KIF21B: variants seen among roughly 807,000 people sequenced by gnomAD.
KIF21B encodes the protein kinesin-like protein KIF21B.
KIF21B carries 85 observed loss-of-function variants against 192.9 expected under a neutral mutation model. That is an observed-to-expected ratio of 0.44 (90% CI 0.37 to 0.53). The LOEUF (loss-of-function observed/expected upper bound fraction) is 0.53. Ranked by LOEUF, KIF21B falls within the 20% of genes least tolerant of loss-of-function variation. The pLI, the probability that KIF21B is intolerant of heterozygous loss-of-function variation, is 0.00. For synonymous variants in KIF21B, 832 were observed against 884.6 expected, an observed-to-expected ratio of 0.94 and a Z score of 1.05; for missense variants, 1,716 against 2,194.8, an observed-to-expected ratio of 0.78 and a Z score of 4.36.
rs1656039103 is a variant in KIF21B, at chr1:200,982,941, G to A, written c.3842+115C>T. 2.1e-5 allele frequency: 19 copies of A among 890,232 alleles called. 1 individual carries two copies. In the South Asian group the frequency reaches 2.3e-4, roughly 11 times the overall value. 55.1% of individuals were successfully genotyped at this position (890,232 alleles called of 1,614,324 possible). On this transcript the variant is annotated intron_variant, in intron 28 of 34. Coordinates refer to ENST00000461742, the MANE Select transcript of KIF21B (RefSeq NM_001252102.2). The surrounding 1 kb of genome is among the most constrained non-coding windows in gnomAD (Gnocchi z 4.7). ...GGGGGCAGCAGGAAGGGGAGTGGAG[G>A]GGCCGCATGCTGAGGACACGGGTGT...
At position 200,993,771 on chromosome 1, in the gene KIF21B, A is replaced by C. The variant is rs531986672; in HGVS notation, c.2278-1382T>G. Among the ~76,000 whole-genome samples the C allele has an allele frequency of 1.0e-3, 152 of 150,438 alleles. 1 individual carries two copies. The highest frequency in any genetic ancestry group is 3.5e-3 in the African/African-American group (144 of 40,574). On this transcript the variant is annotated intron_variant, in intron 15 of 34. Coordinates refer to ENST00000461742, the MANE Select transcript of KIF21B (RefSeq NM_001252102.2). ...CCTTTAAAACAAAACAAAACAAAAA[A>C]AAAAAAAAAGAGAGAGAAAGAAAAA... is the stretch of plus-strand genomic sequence containing the variant.
chr1:200,995,187 C>T (rs1047640910), intron 15 of KIF21B, among the ~76,000 whole-genome samples: 2 of 152,216 alleles, frequency 1.3e-5, no homozygotes, highest in African/African-American at 4.8e-5. Context: ...CACATTGAGT[C>T]GGCTGTGAGC....
chr1:201,012,450 G>A (rs73072915), intron 1 of KIF21B, among the ~76,000 whole-genome samples: 1,530 of 152,296 alleles, frequency 0.01, 26 homozygotes, highest in African/African-American at 0.035. Context: ...ACCTCCACAG[G>A]TTACCTTGCT....
chr1:200,992,508 T>G, intron 15 of KIF21B, 119 bp from the exon 16 acceptor site: 1 of 1,008,024 alleles, frequency 9.9e-7, no homozygotes, highest in Non-Finnish European at 1.5e-6. Flanking sequence ...CAGGCAACAC[T>G]GGCTCAGGGC....
intron 24 of KIF21B, among the ~76,000 whole-genome samples, chr1:200,987,941 T>C (rs543109085): frequency 1.3e-5 from 2 of 152,276 alleles, no homozygotes; most frequent in South Asian, 4.1e-4. Context: ...TAACCAGACA[T>C]TTAGAGGTAG....
At chr1:201,009,092 TG>T in intron 2 of KIF21B, 141 bp from the exon 3 acceptor site, 1 of 1,199,694 alleles carries the variant, frequency 8.3e-7, no homozygotes, top group Non-Finnish European at 1.2e-6. Context: ...AGCCACACTC[TG>T]GGGAAATCAC....
chr1:200,997,288 TC>T (rs1334139811), intron 14 of KIF21B, among the ~76,000 whole-genome samples: 13 of 152,186 alleles, frequency 8.5e-5, no homozygotes, highest in Non-Finnish European at 1.5e-5. Flanking sequence ...ACCATCCTGG[TC>T]CCCTTATCGT....
At position 200,990,447 on chromosome 1, in the gene KIF21B, G is replaced by A. The variant is rs1434485797; in HGVS notation, c.2836-115C>T. On this transcript the variant is annotated intron_variant, in intron 19 of 34. Coordinates refer to ENST00000461742, the MANE Select transcript of KIF21B (RefSeq NM_001252102.2). The surrounding 1 kb of genome is among the most constrained non-coding windows in gnomAD (Gnocchi z 5.4). ...CCTGTGAGGTCCCCCCAGCACCTCTGGATTCCAGAGCAGGCAAAAGGAGCA... is the reference window on the plus strand; with the variant it reads ...CCTGTGAGGTCCCCCCAGCACCTCTAGATTCCAGAGCAGGCAAAAGGAGCA... The A allele has an allele frequency of 2.0e-6, 3 of 1,478,500 alleles. No individual in the cohort carries two copies. Among genetic ancestry groups the A allele is most frequent in the Non-Finnish European group, 2.8e-6 (3 of 1,087,428 alleles). 91.6% of individuals were successfully genotyped at this position (1,478,500 alleles called of 1,614,324 possible).
chr1:200,992,899 A>C (rs1006843174), intron 15 of KIF21B, among the ~76,000 whole-genome samples: 9 of 152,340 alleles, frequency 5.9e-5, no homozygotes, highest in African/African-American at 2.2e-4. Flanking sequence ...TCCTCATGAC[A>C]ATCATGAGAG....
Position 200,991,829 on chromosome 1 carries a change from G to A in KIF21B, c.2386-104C>T, listed in dbSNP as rs1656721411. On this transcript the variant is annotated intron_variant, in intron 16 of 34. Transcript: ENST00000461742. ...TGTAGTTGAAAGCCTGGGCTTCAGG[G>A]TGATTCTCATGCAGCCAAACTCTTG... 7.6e-6 allele frequency: 9 copies of A among 1,182,056 alleles called. No individual in the cohort carries two copies. In the Admixed American group the frequency reaches 1.5e-4, roughly 19 times the overall value. 73.2% of individuals were successfully genotyped at this position (1,182,056 alleles called of 1,614,324 possible). A position where few individuals can be genotyped will look rare whatever the true frequency, so the allele number is the denominator to read the frequency against.
At position 200,987,003 on chromosome 1, in the gene KIF21B, T is replaced by A. The variant is rs1459053056; in HGVS notation, c.3607A>T (p.Ser1203Cys). ...SRTVSLPTRG[S>C]TFPRQSRATE... ...TCCTGCTCCCATCCTTACAAAGTGC[T>A]GCCCCGGGTAGGCAGACTGACGGTG... The change falls in exon 25 of 35, where the codon AGC (serine) becomes TGC (cysteine). Residue 1203 changes from serine to cysteine, a missense_variant. Ser to Cys is a moderately radical substitution (Grantham distance 112). Transcript: ENST00000461742. 1 of 1,614,114 alleles carries A rather than the reference T, an allele frequency of 6.2e-7. No individual in the cohort carries two copies. The highest frequency in any genetic ancestry group is 1.3e-5 in the African/African-American group (1 of 75,034).
In KIF21B at chr1:200,995,596, A is replaced by C. The variant is rs191177636; in HGVS notation, c.2277+600T>G. Among the ~76,000 whole-genome samples, 443 of 152,338 alleles carry C rather than the reference A, an allele frequency of 2.9e-3. 5 individuals carry two copies. The highest frequency in any genetic ancestry group is 4.6e-3 in the South Asian group (22 of 4,822). Reference sequence around the variant, plus strand: ...GGAGGCATTGTGCCACCTGGAACACACAGTGGCTTGGGAGCCAGAGAACTG... The same window carrying C: ...GGAGGCATTGTGCCACCTGGAACACCCAGTGGCTTGGGAGCCAGAGAACTG... On this transcript the variant is annotated intron_variant, in intron 15 of 34. Transcript: ENST00000461742.
chr1:201,004,262 G>T, intron 7 of KIF21B, 78 bp downstream of exon 7: 2 of 1,226,890 alleles, frequency 1.6e-6, no homozygotes, highest in Non-Finnish European at 2.3e-6. Context: ...GCAGGCTTGC[G>T]CCATACCCAC....
At chr1:200,989,070 T>C (rs1656502549) in intron 21 of KIF21B, 139 bp from the exon 22 acceptor site, 1 of 853,226 alleles carries the variant, frequency 1.2e-6, no homozygotes, top group South Asian at 1.8e-5. Flanking sequence ...GGCACAGACC[T>C]GAGAGCACCG....
At chr1:200,976,670 T>C in intron 32 of KIF21B, 106 bp downstream of exon 32, 1 of 629,070 alleles carries the variant, frequency 1.6e-6, no homozygotes, top group South Asian at 2.7e-5. Context: ...TCAGCAGACA[T>C]CCCCAGAAGT....
chr1:200,990,645 C>T lies in KIF21B; in HGVS notation c.2766G>A (p.Arg922=). 1.2e-6 allele frequency: 2 copies of T among 1,614,150 alleles called. No individual in the cohort carries two copies. The highest frequency in any genetic ancestry group is 1.7e-6 in the Non-Finnish European group (2 of 1,180,012). ...TTCTCTGCATGACGATGTCAATGAT[C>T]CGTCGCTCCAGGGACTGCCACTTGA... The part of the protein sequence containing the change: ...ARLKWQSLER[R]IIDIVMQRMT... Residue 922 remains arginine, a synonymous_variant, in exon 19 of 35, where the codon CGG becomes CGA. Coordinates refer to ENST00000461742, the MANE Select transcript of KIF21B (RefSeq NM_001252102.2). The surrounding 1 kb of genome is among the most constrained non-coding windows in gnomAD (Gnocchi z 5.4).
At chr1:200,996,537 G>A in intron 14 of KIF21B, 142 bp from the exon 15 acceptor site, 1 of 705,626 alleles carries the variant, frequency 1.4e-6, no homozygotes, top group Non-Finnish European at 2.4e-6. Flanking sequence ...CTCTGAGCCT[G>A]TTTCATCATT....
At chr1:200,991,867 C>A (rs1440149822) in intron 16 of KIF21B, 142 bp from the exon 17 acceptor site, 6 of 864,364 alleles carry the variant, frequency 6.9e-6, no homozygotes, top group Non-Finnish European at 1.1e-5. Flanking sequence ...AAAGTGGGAC[C>A]CAGGGTTGAG....
In KIF21B at chr1:201,005,405, G is replaced by C; in HGVS notation, c.635C>G (p.Thr212Ser). ...QCLKQGALSR[T>S]TASTQMNVQS... ...CACGTTCATCTGGGTGCTGGCTGTG[G>C]TGCGGGACAGGGCCCCCTGCTTCAG... Residue 212 changes from threonine (T) to serine (S), a missense_variant, in exon 5 of 35, where the codon ACC (threonine) becomes AGC (serine). Around this residue, in one of 3 missense-constraint regions of KIF21B, gnomAD observed 1,087 missense variants for 1,316.6 expected, o/e 0.83. Transcript: ENST00000461742. 6.2e-7 allele frequency: 1 copy of C among 1,613,002 alleles called. No homozygotes were observed.
Sources: allele counts gnomAD v4.1 joint callset (sites outside exome capture counted in the v4.1 genomes callset), GRCh38; gene constraint gnomAD v4.1.1; regional missense constraint gnomAD v4.1.1; non-coding constraint Gnocchi (gnomAD v3.1); transcripts MANE v1.5; gene names NCBI Gene and HGNC (gene_info 2026-07-23, HGNC 2026-07-21).